Variants in TIE1 observed in about 807,000 individuals in gnomAD.
TIE1 encodes tyrosine-protein kinase receptor Tie-1.
A neutral mutation model predicts 130.5 loss-of-function variants in TIE1; 89 were observed. The ratio of observed to expected loss-of-function variants is 0.68; its 90% confidence interval spans 0.57 to 0.81. TIE1 has a LOEUF of 0.81. TIE1 is among the 40% of genes least tolerant of loss of function. The pLI, the probability that TIE1 is intolerant of heterozygous loss-of-function variation, is 0.00. For missense variants in TIE1, 1,392 were observed against 1,559.8 expected (o/e 0.89, Z 1.81); for synonymous variants, 568 against 629.4 (o/e 0.90, Z 1.46).
chr1:43,321,784 C>A lies in TIE1; in HGVS notation c.3345+69C>A, dbSNP rs556414628. On this transcript the variant is annotated intron_variant, in intron 22 of 22. Coordinates refer to ENST00000372476, the MANE Select transcript of TIE1 (RefSeq NM_005424.5). ...GCTCCAGAGTGCCCTCTCAGAGGTG[C>A]CATGACCCCTGTCCCAACCACACTG... 9 of 1,434,560 alleles carry A rather than the reference C, an allele frequency of 6.3e-6. No individual in the cohort carries two copies. The African/African-American group carries it at 1.3e-4, about 20-fold the overall frequency. The allele number at this position is 1,434,560 out of a possible 1,614,324, so 88.9% of individuals were successfully genotyped here.
intron 19 of TIE1, chr1:43,320,940 A>G: frequency 2.9e-6 from 1 of 342,866 alleles, no homozygotes; most frequent in African/African-American, 2.1e-5. Context: ...GCTACAAGGG[A>G]GACTGAGGTG....
At chr1:43,311,948 GA>G (rs1646799088) in intron 10 of TIE1, 45 bp from the exon 11 acceptor site, 1 of 1,561,862 alleles carries the variant, frequency 6.4e-7, no homozygotes, top group African/African-American at 1.4e-5. Flanking sequence ...GCAGCTTCTA[GA>G]AGAGGTGGGG....
At chr1:43,321,175 G>T in intron 19 of TIE1, 94 bp from the exon 20 acceptor site, 1 of 1,314,484 alleles carries the variant, frequency 7.6e-7, no homozygotes, top group Non-Finnish European at 1.1e-6. Context: ...ACATACAGCG[G>T]GGCTGGGAGG....
chr1:43,304,192 CCTT>C (rs1207327232), intron 1 of TIE1, among the ~76,000 whole-genome samples: 1 of 152,232 alleles, frequency 6.6e-6, no homozygotes, highest in Non-Finnish European at 1.5e-5. Flanking sequence ...ACCTCTGCCT[CCTT>C]AAGTGCTGGG....
Position 43,300,987 on chromosome 1 carries a change from G to A in TIE1, c.-85G>A. The A allele has an allele frequency of 7.0e-7, 1 of 1,426,058 alleles. No homozygotes were observed. Among genetic ancestry groups the A allele is most frequent in the South Asian group, 1.2e-5 (1 of 82,234 alleles). 88.3% of individuals were successfully genotyped at this position (1,426,058 alleles called of 1,614,324 possible). A position where few individuals can be genotyped will look rare whatever the true frequency, so the allele number is the denominator to read the frequency against. ...TTCCTCCCCAGCACCGACCCACACT[G>A]ACCAACACAGGCTGAGCAGTCAGGC... On this transcript the variant is annotated 5_prime_UTR_variant, in exon 1 of 23. Transcript: ENST00000372476.
chr1:43,313,631 C>T lies in TIE1; in HGVS notation c.2219-147C>T. 9.5e-7 allele frequency: 1 copy of T among 1,048,466 alleles called. No homozygotes were observed. The highest frequency in any genetic ancestry group is 1.4e-6 in the Non-Finnish European group (1 of 740,272). The allele number at this position is 1,048,466 out of a possible 1,614,324, so 64.9% of individuals were successfully genotyped here. On this transcript the variant is annotated intron_variant, in intron 13 of 22. Coordinates refer to ENST00000372476, the MANE Select transcript of TIE1 (RefSeq NM_005424.5). This position sits in a 1 kb window ranked among gnomAD's most constrained non-coding sequence, Gnocchi z 6.2. ...AAAATCATGTCGCCCCTCTGACACC[C>T]CTCATCCCTTCCTTCATGTGGCCCA... is the stretch of plus-strand genomic sequence containing the variant.
intron 19 of TIE1, chr1:43,320,864 AT>A: frequency 7.3e-6 from 1 of 136,218 alleles, no homozygotes; most frequent in Non-Finnish European, 1.5e-5. Flanking sequence ...CAAAAAATAA[AT>A]AAATAAATAA....
chr1:43,313,246 A>T lies in TIE1; in HGVS notation c.2039A>T (p.Glu680Val). 1 of 1,613,958 alleles carries T rather than the reference A, an allele frequency of 6.2e-7. No homozygotes were observed. Among genetic ancestry groups the T allele is most frequent in the Admixed American group, 1.7e-5 (1 of 59,998 alleles). ...LPGPISKYVV[E>V]VQVAGGAGDP... is the part of the protein sequence containing the mutation. ...GGGCCAATATCCAAGTACGTTGTGG[A>T]GGTGCAGGTGGCTGGGGGTGCAGGA... The change falls in exon 13 of 23, where the codon GAG (glutamate) becomes GTG (valine). Residue 680 changes from glutamate (E) to valine (V), a missense_variant. By Grantham distance (121) the Glu-to-Val change is moderately radical (BLOSUM62 -2). Transcript: ENST00000372476. The surrounding 1 kb of genome is among the most constrained non-coding windows in gnomAD (Gnocchi z 6.2).
chr1:43,322,567 T>A lies in TIE1; in HGVS notation c.3346-84T>A. 6.0e-6 allele frequency: 6 copies of A among 993,950 alleles called. No homozygotes were observed. The South Asian group carries it at 8.1e-5, about 13-fold the overall frequency. 61.6% of individuals were successfully genotyped at this position (993,950 alleles called of 1,614,324 possible). On this transcript the variant is annotated intron_variant, in intron 22 of 22. Coordinates refer to ENST00000372476, the MANE Select transcript of TIE1 (RefSeq NM_005424.5). The surrounding 1 kb of genome is among the most constrained non-coding windows in gnomAD (Gnocchi z 4.0). The stretch of plus-strand genomic sequence containing the variant: ...CAGAACAAATCAGTGTCAGTTCAAA[T>A]GCCCCCACCACATGGAAGTCCAGGA...
In TIE1 at chr1:43,312,862, A is replaced by T. The variant is rs539842044; in HGVS notation, c.1927+261A>T. ...AGGGTTCATGGCGAGAACCAGGGTC[A>T]TGGGAGGGCATGAGACTTGCGGAAC... On this transcript the variant is annotated intron_variant, in intron 12 of 22. Coordinates refer to ENST00000372476, the MANE Select transcript of TIE1 (RefSeq NM_005424.5). The surrounding 1 kb of genome is among the most constrained non-coding windows in gnomAD (Gnocchi z 5.6). Among the ~76,000 whole-genome samples, 1 of 152,022 alleles carries T rather than the reference A, an allele frequency of 6.6e-6. No homozygotes were observed. Among genetic ancestry groups the T allele is most frequent in the African/African-American group, 2.4e-5 (1 of 41,392 alleles).
intron 19 of TIE1, chr1:43,320,097 G>C (rs1098182): frequency 0.89 from 141,128 of 158,244 alleles, 63,306 homozygotes; most frequent in East Asian, 1. Flanking sequence ...TGCCTACTTC[G>C]TGCTTCTGCC....
rs757547719 is a variant in TIE1 at position 43,318,052 on chromosome 1, C to T, written c.2902C>T (p.Gln968Ter). 1.3e-6 allele frequency: 2 copies of T among 1,568,068 alleles called. No individual in the cohort carries two copies. The highest frequency in any genetic ancestry group is 3.6e-5 in the Admixed American group (2 of 55,792). Residue 968 changes from glutamine (Q) to a stop codon, truncating the protein, a stop_gained, in exon 17 of 23, where the codon CAG (glutamine) becomes TAG (stop). Transcript: ENST00000372476. LOFTEE classifies it high-confidence loss of function. This position sits in a 1 kb window ranked among gnomAD's most constrained non-coding sequence, Gnocchi z 4.4. ...CGCCAGTGATGCGGCCAATGGCATG[C>T]AGTACCTGAGTGAGAAGCAGGTGTG... The part of the protein sequence containing the change: ...RFASDAANGM[Q>*]YLSEKQFIHR...
intron 7 of TIE1, 149 bp downstream of exon 7, chr1:43,308,073 C>G: frequency 8.0e-7 from 1 of 1,247,562 alleles, no homozygotes; most frequent in Non-Finnish European, 1.1e-6. Context: ...ACAGGGAGCT[C>G]TGGCAGGGAG....
chr1:43,315,092 T>C lies in TIE1; in HGVS notation c.2409+1124T>C, dbSNP rs900344632. On this transcript the variant is annotated intron_variant, in intron 14 of 22. Coordinates refer to ENST00000372476, the MANE Select transcript of TIE1 (RefSeq NM_005424.5). The surrounding 1 kb of genome is among the most constrained non-coding windows in gnomAD (Gnocchi z 4.4). The stretch of plus-strand genomic sequence containing the variant: ...ACCCTTCTGTCCCTCAGGCCCCTGC[T>C]TAGAGGTGGGGTGTGGGAGGGCACC... 6.6e-6 allele frequency: 1 copy of C among 152,242 alleles called. No individual in the cohort carries two copies. The highest frequency in any genetic ancestry group is 1.5e-5 in the Non-Finnish European group (1 of 68,074). The allele number at this position is 152,242 out of a possible 1,614,324, so 9.4% of individuals were successfully genotyped here.
At chr1:43,304,717 G>A (rs1646706120) in intron 1 of TIE1, 134 bp from the exon 2 acceptor site, 6 of 928,956 alleles carry the variant, frequency 6.5e-6, no homozygotes, top group Non-Finnish European at 8.7e-6. Flanking sequence ...GGCAGGGGAA[G>A]GAAGAGGGGT....
Position 43,322,668 on chromosome 1 carries a change from G to A in TIE1, c.3363G>A (p.Ser1121=), listed in dbSNP as rs769682949. Residue 1121 remains serine, a synonymous_variant, in exon 23 of 23, where the codon TCG becomes TCA. Transcript: ENST00000372476. The surrounding 1 kb of genome is among the most constrained non-coding windows in gnomAD (Gnocchi z 4.0). ...LEARKAYVNM[S]LFENFTYAGI... The stretch of plus-strand genomic sequence containing the variant: ...GCCCCCAGGCCTATGTGAACATGTC[G>A]CTGTTTGAGAACTTCACTTACGCGG... 3.0e-5 allele frequency: 48 copies of A among 1,613,898 alleles called. No individual in the cohort carries two copies. Among genetic ancestry groups the A allele is most frequent in the Non-Finnish European group, 3.7e-5 (44 of 1,180,030 alleles).
At position 43,309,416 on chromosome 1, in the gene TIE1, A is replaced by G. The variant is rs1419936756; in HGVS notation, c.1217A>G (p.Lys406Arg). The G allele has an allele frequency of 1.9e-6, 3 of 1,606,882 alleles. No homozygotes were observed. In the South Asian group the frequency reaches 3.3e-5, roughly 18 times the overall value. ...ACCAAGGCCATTGTGGAGCCAGAGAAGACCACAGCTGAGTTCGAGGTGCCC... is the reference window on the plus strand; with the variant it reads ...ACCAAGGCCATTGTGGAGCCAGAGAGGACCACAGCTGAGTTCGAGGTGCCC... ...LSTKAIVEPE[K>R]TTAEFEVPRL... The change falls in exon 9 of 23, where the codon AAG becomes AGG. Residue 406 changes from lysine to arginine, a missense_variant. Lys to Arg is a conservative substitution (Grantham distance 26). Coordinates refer to ENST00000372476, the MANE Select transcript of TIE1 (RefSeq NM_005424.5). The surrounding 1 kb of genome is among the most constrained non-coding windows in gnomAD (Gnocchi z 6.3).
chr1:43,312,631 G>T lies in TIE1; in HGVS notation c.1927+30G>T. The T allele has an allele frequency of 1.3e-6, 2 of 1,564,768 alleles. No individual in the cohort carries two copies. Among genetic ancestry groups the T allele is most frequent in the Non-Finnish European group, 8.7e-7 (1 of 1,153,662 alleles). Reference sequence around the variant, plus strand: ...GTGCAAGGCGCAAGGATAGCTGGGGGTTGGGGGAGGACGTGGGACACAGGG... The same window carrying T: ...GTGCAAGGCGCAAGGATAGCTGGGGTTTGGGGGAGGACGTGGGACACAGGG... On this transcript the variant is annotated intron_variant, in intron 12 of 22. Transcript: ENST00000372476. This position sits in a 1 kb window ranked among gnomAD's most constrained non-coding sequence, Gnocchi z 5.6.
intron 19 of TIE1, 81 bp from the exon 20 acceptor site, chr1:43,321,188 C>T (rs1180413142): frequency 7.5e-6 from 11 of 1,470,488 alleles, no homozygotes; most frequent in African/African-American, 1.4e-5. Flanking sequence ...CTGGGAGGCA[C>T]TGCACATCTT....
Sources: allele counts gnomAD v4.1 joint callset (sites outside exome capture counted in the v4.1 genomes callset), GRCh38; gene constraint gnomAD v4.1.1; non-coding constraint Gnocchi (gnomAD v3.1); transcripts MANE v1.5; gene names NCBI Gene and HGNC (gene_info 2026-07-23, HGNC 2026-07-21).